ATP8A2: variants seen among roughly 807,000 people sequenced by gnomAD.
ATP8A2 encodes the protein phospholipid-transporting ATPase IB.
In ATP8A2, 100 loss-of-function variants were observed where a neutral mutation model predicts 165.6. The ratio of observed to expected loss-of-function variants is 0.60; its 90% confidence interval spans 0.51 to 0.71. ATP8A2 has a LOEUF of 0.71. Ranked by LOEUF, ATP8A2 falls within the 30% of genes least tolerant of loss-of-function variation. The probability of loss-of-function intolerance (pLI) is 0.00; values close to 1 mark genes in which losing one functional copy is unlikely to be tolerated. For missense variants in ATP8A2, 1,227 were observed against 1,479.5 expected (o/e 0.83, Z 2.80); for synonymous variants, 543 against 548.8 (o/e 0.99, Z 0.15).
At chr13:25,465,055 T>G (rs1003210736) in intron 1 of ATP8A2, among the ~76,000 whole-genome samples, 6 of 152,244 alleles carry the variant, frequency 3.9e-5, no homozygotes, top group African/African-American at 1.4e-4. Flanking sequence ...AGATATTTAT[T>G]GAACTCCCAC....
intron 25 of ATP8A2, among the ~76,000 whole-genome samples, chr13:25,758,077 A>G (rs2044301669): frequency 6.6e-6 from 1 of 152,186 alleles, no homozygotes; most frequent in Admixed American, 6.5e-5. Context: ...CCTCATGTTA[A>G]TTTACTCTTT....
At position 25,372,999 on chromosome 13, in the gene ATP8A2, A is replaced by G. The variant is rs2032481913; in HGVS notation, c.76+711A>G. Among the ~76,000 whole-genome samples, 1 of 152,150 alleles carries G rather than the reference A, an allele frequency of 6.6e-6. No individual in the cohort carries two copies. The highest frequency in any genetic ancestry group is 1.5e-5 in the Non-Finnish European group (1 of 68,036). On this transcript the variant is annotated intron_variant, in intron 1 of 36. Coordinates refer to ENST00000381655, the MANE Select transcript of ATP8A2 (RefSeq NM_016529.6). The surrounding 1 kb of genome is among the most constrained non-coding windows in gnomAD (Gnocchi z 4.8). The stretch of plus-strand genomic sequence containing the variant: ...GCCAAACACGCATGTACCATACCCG[A>G]CCACTCACACTGTTAGAGGCCCGCG...
chr13:25,465,714 T>TCTTTCTTTC lies in ATP8A2; in HGVS notation c.77-3262_77-3254dup, dbSNP rs1566153309. Among the ~76,000 whole-genome samples, 7 of 56,256 alleles carry TCTTTCTTTC rather than the reference T, an allele frequency of 1.2e-4. 1 individual carries two copies. The highest frequency in any genetic ancestry group is 2.2e-4 in the Admixed American group (1 of 4,546). 36.9% of individuals were successfully genotyped at this position (56,256 alleles called of 152,430 possible). ...TTCTTTCTTTCTTTCTTTCTTTCTT[T>TCTTTCTTTC]CTTTCTTTCTTTCTTTCTTTCTTTC... On this transcript the variant is annotated intron_variant, in intron 1 of 36. Coordinates refer to ENST00000381655, the MANE Select transcript of ATP8A2 (RefSeq NM_016529.6).
chr13:25,995,372 T>C (rs1305121572), intron 35 of ATP8A2, among the ~76,000 whole-genome samples: 1 of 151,560 alleles, frequency 6.6e-6, no homozygotes, highest in Non-Finnish European at 1.5e-5. Context: ...TTTATTTTGC[T>C]CTTCTTTTCT....
intron 33 of ATP8A2, among the ~76,000 whole-genome samples, chr13:25,937,866 A>T (rs929936644): frequency 6.6e-6 from 1 of 150,422 alleles, no homozygotes; most frequent in Non-Finnish European, 1.5e-5. Context: ...AAAAAAAAAA[A>T]AAAAAGACCA....
intron 25 of ATP8A2, among the ~76,000 whole-genome samples, chr13:25,715,162 A>ATGTGT (rs1301850976): frequency 6.6e-6 from 1 of 152,100 alleles, no homozygotes; most frequent in East Asian, 1.9e-4. Flanking sequence ...TACTATGTGT[A>ATGTGT]TGTGTTGTGT....
chr13:25,761,545 C>A (rs1041592737), intron 25 of ATP8A2, among the ~76,000 whole-genome samples: 1 of 151,734 alleles, frequency 6.6e-6, no homozygotes, highest in African/African-American at 2.4e-5. Context: ...TGGGAGGCTG[C>A]GGCAGGAGGA....
chr13:25,799,161 G>A (rs12865419), intron 27 of ATP8A2, among the ~76,000 whole-genome samples: 26,566 of 152,082 alleles, frequency 0.17, 2,491 homozygotes, highest in Middle Eastern at 0.22. Context: ...TGTAAAATGC[G>A]ATAAGGCCAG....
At chr13:25,527,931 ACT>A (rs1470878895) in intron 2 of ATP8A2, among the ~76,000 whole-genome samples, 4 of 151,908 alleles carry the variant, frequency 2.6e-5, no homozygotes, top group African/African-American at 4.8e-5. Context: ...TAGTTTCTAC[ACT>A]CTTATTTTAC....
At chr13:25,398,521 A>G (rs1057396249) in intron 1 of ATP8A2, among the ~76,000 whole-genome samples, 6 of 152,308 alleles carry the variant, frequency 3.9e-5, no homozygotes, top group South Asian at 2.1e-4. Context: ...CATATGTACA[A>G]TTACCCAGTT....
intron 2 of ATP8A2, among the ~76,000 whole-genome samples, chr13:25,481,954 G>T (rs1310965337): frequency 5.9e-5 from 9 of 152,138 alleles, no homozygotes; most frequent in African/African-American, 1.9e-4. Flanking sequence ...CACATTGGGG[G>T]TTAGGGCTTC....
chr13:25,697,124 A>G (rs2042850153), intron 24 of ATP8A2, among the ~76,000 whole-genome samples: 1 of 152,188 alleles, frequency 6.6e-6, no homozygotes. Flanking sequence ...AAGAAATGCA[A>G]TTGTCTTTGA....
At chr13:25,485,179 CT>C (rs1386188473) in intron 2 of ATP8A2, among the ~76,000 whole-genome samples, 1 of 152,206 alleles carries the variant, frequency 6.6e-6, no homozygotes, top group Non-Finnish European at 1.5e-5. Flanking sequence ...ACTGTTTTGA[CT>C]GTCAGCTGTC....
At position 25,396,042 on chromosome 13, in the gene ATP8A2, C is replaced by T. The variant is rs536736467; in HGVS notation, c.76+23754C>T. On this transcript the variant is annotated intron_variant, in intron 1 of 36. Transcript: ENST00000381655. Reference sequence around the variant, plus strand: ...TATTTTTAGTAAAGAGGGGGTTTCACCATGTTGGCCAGGATGGTCTTGATC... The same window carrying T: ...TATTTTTAGTAAAGAGGGGGTTTCATCATGTTGGCCAGGATGGTCTTGATC... Among the ~76,000 whole-genome samples the T allele has an allele frequency of 2.0e-4, 31 of 152,246 alleles. 1 individual carries two copies. The highest frequency in any genetic ancestry group is 7.7e-4 in the East Asian group (4 of 5,168).
At chr13:25,713,269 C>T (rs1004420722) in intron 25 of ATP8A2, among the ~76,000 whole-genome samples, 1 of 152,210 alleles carries the variant, frequency 6.6e-6, no homozygotes, top group African/African-American at 2.4e-5. Context: ...TAACAAATGT[C>T]ATCGTTCCCA....
chr13:25,563,440 T>A (rs1231493221), intron 15 of ATP8A2, among the ~76,000 whole-genome samples: 2 of 152,028 alleles, frequency 1.3e-5, no homozygotes, highest in Admixed American at 1.3e-4. Flanking sequence ...GGAGTGGAGA[T>A]AAATGAATAT....
intron 1 of ATP8A2, among the ~76,000 whole-genome samples, chr13:25,390,061 C>G (rs1166680558): frequency 1.3e-5 from 2 of 152,180 alleles, no homozygotes; most frequent in Non-Finnish European, 2.9e-5. Context: ...GTGGTGCGAT[C>G]TCAGCTGACT....
chr13:25,984,901 T>C (rs1165790731), intron 35 of ATP8A2, among the ~76,000 whole-genome samples: 2 of 152,210 alleles, frequency 1.3e-5, no homozygotes, highest in African/African-American at 4.8e-5. Context: ...ACACACATAC[T>C]TCATTTGAGA....
At chr13:25,577,333 A>G (rs1358830135) in intron 20 of ATP8A2, among the ~76,000 whole-genome samples, 195 bp downstream of exon 20, 1 of 152,210 alleles carries the variant, frequency 6.6e-6, no homozygotes, top group Non-Finnish European at 1.5e-5. Flanking sequence ...TGTGGCAAAG[A>G]TGGTCAGTGA....
Sources: allele counts gnomAD v4.1 joint callset (sites outside exome capture counted in the v4.1 genomes callset), GRCh38; gene constraint gnomAD v4.1.1; non-coding constraint Gnocchi (gnomAD v3.1); transcripts MANE v1.5; gene names NCBI Gene and HGNC (gene_info 2026-07-23, HGNC 2026-07-21).